The following FDX1 variants were observed in gnomAD, a reference collection of about 807,000 sequenced individuals.
FDX1 encodes adrenodoxin, mitochondrial.
Under a neutral mutation model 14.9 loss-of-function variants are expected in FDX1, and 9 were observed. That is an observed-to-expected ratio of 0.60 (90% confidence interval 0.36 to 1.05). The LOEUF is 1.05. Ranked by LOEUF, FDX1 falls within the 50% of genes least tolerant of loss-of-function variation. The probability of loss-of-function intolerance (pLI) is 0.01; values close to 1 mark genes in which losing one functional copy is unlikely to be tolerated. For missense variants in FDX1, 204 were observed against 237.2 expected (o/e 0.86, Z 0.92); for synonymous variants, 92 against 99.4 (o/e 0.93, Z 0.44).
intron 2 of FDX1, among the ~76,000 whole-genome samples, chr11:110,454,461 C>T (rs936464744): frequency 2.0e-5 from 3 of 152,194 alleles, no homozygotes; most frequent in African/African-American, 7.2e-5. Flanking sequence ...AGGCAACTTA[C>T]ATTATTGTAT....
At position 110,435,944 on chromosome 11, in the gene FDX1, A is replaced by G. The variant is rs756272504; in HGVS notation, c.296A>G (p.Asp99Gly). Residue 99 changes from aspartate to glycine, a missense_variant, in exon 2 of 4, where the codon GAT becomes GGT. By Grantham distance (94) the Asp-to-Gly change is moderately conservative. Transcript: ENST00000260270. Reference protein sequence around the residue: ...LLDVVVENNLDIDGFGACEGT... With the variant: ...LLDVVVENNLGIDGFGACEGT... ...GATGTTGTGGTTGAAAATAATCTAG[A>G]TATTGATGGCTTTGGTGAGTATGAA... 4 of 1,611,558 alleles carry G rather than the reference A, an allele frequency of 2.5e-6. No individual in the cohort carries two copies. The highest frequency in any genetic ancestry group is 1.7e-5 in the Admixed American group (1 of 59,728).
In FDX1 at chr11:110,456,901, T is replaced by G. The variant is rs772397581; in HGVS notation, c.311-17T>G. 6.2e-7 allele frequency: 1 copy of G among 1,606,200 alleles called. No individual in the cohort carries two copies. Among genetic ancestry groups the G allele is most frequent in the East Asian group, 2.2e-5 (1 of 44,698 alleles). On this transcript the variant is annotated splice_polypyrimidine_tract_variant and intron_variant, in intron 2 of 3. Coordinates refer to ENST00000260270, the MANE Select transcript of FDX1 (RefSeq NM_004109.5). ...GATGTAGAAGGGACTATGTTCAGTG[T>G]TTGTTGCTTTTGTCAGGTGCATGTG...
rs1490401763 is a variant in FDX1 at position 110,462,487 on chromosome 11, A to G, written c.*19A>G. ...CTCCTGAACTAGAACAAATAGGAAT[A>G]TTTTCATGGAATTTTACCTATTTTT... On this transcript the variant is annotated 3_prime_UTR_variant, in exon 4 of 4. Coordinates refer to ENST00000260270, the MANE Select transcript of FDX1 (RefSeq NM_004109.5). 1 of 1,178,892 alleles carries G rather than the reference A, an allele frequency of 8.5e-7. No homozygotes were observed. Among genetic ancestry groups the G allele is most frequent in the Non-Finnish European group, 1.3e-6 (1 of 793,896 alleles). The allele number at this position is 1,178,892 out of a possible 1,614,324, so 73.0% of individuals were successfully genotyped here. A position where few individuals can be genotyped will look rare whatever the true frequency, so the allele number is the denominator to read the frequency against.
upstream of FDX1, among the ~76,000 whole-genome samples, chr11:110,429,378 T>C (rs1946312926): frequency 6.6e-6 from 1 of 152,100 alleles, no homozygotes; most frequent in South Asian, 2.1e-4. Flanking sequence ...TCATCTTTTC[T>C]GTTTTTTGTG....
Position 110,435,924 on chromosome 11 carries a change from T to G in FDX1, c.276T>G (p.Val92=), listed in dbSNP as rs773868601. 184 of 1,612,620 alleles carry G rather than the reference T, an allele frequency of 1.1e-4. No homozygotes were observed. Among genetic ancestry groups the G allele is most frequent in the Non-Finnish European group, 1.6e-4 (184 of 1,179,304 alleles). Residue 92 remains valine, a synonymous_variant, in exon 2 of 4, where the codon GTT becomes GTG. Coordinates refer to ENST00000260270, the MANE Select transcript of FDX1 (RefSeq NM_004109.5). ...KGKVGDSLLD[V]VVENNLDIDG... Reference sequence around the variant, plus strand: ...AAGTTGGTGATTCTCTGCTAGATGTTGTGGTTGAAAATAATCTAGATATTG... The same window carrying G: ...AAGTTGGTGATTCTCTGCTAGATGTGGTGGTTGAAAATAATCTAGATATTG...
In FDX1 at chr11:110,464,789, T is replaced by A. The variant is rs2134697856; in HGVS notation, c.*2321T>A. On this transcript the variant is annotated 3_prime_UTR_variant, in exon 4 of 4. Transcript: ENST00000260270. ...GCACTCTAAAATTTAGAGTATAAAT[T>A]GTCTTATATTTCAAATTAGAAAAGT... 6.6e-6 allele frequency: 1 copy of A among 152,336 alleles called. No homozygotes were observed. The highest frequency in any genetic ancestry group is 2.4e-5 in the African/African-American group (1 of 41,582). 9.4% of individuals were successfully genotyped at this position (152,336 alleles called of 1,614,324 possible). A position where few individuals can be genotyped will look rare whatever the true frequency, so the allele number is the denominator to read the frequency against.
At chr11:110,436,488 A>G (rs13328875) in intron 2 of FDX1, among the ~76,000 whole-genome samples, 45,943 of 151,600 alleles carry the variant, frequency 0.3, 7,151 homozygotes, top group East Asian at 0.38. Flanking sequence ...CAAGCAATGC[A>G]TGTTTAGATT....
chr11:110,435,217 A>G (rs1946360771), intron 1 of FDX1, among the ~76,000 whole-genome samples: 1 of 150,814 alleles, frequency 6.6e-6, no homozygotes, highest in Non-Finnish European at 1.5e-5. Flanking sequence ...CACCTGGCTA[A>G]TTATTTTATT....
intron 2 of FDX1, among the ~76,000 whole-genome samples, chr11:110,441,443 A>C (rs979251393): frequency 2.6e-5 from 4 of 152,200 alleles, no homozygotes; most frequent in Admixed American, 6.5e-5. Flanking sequence ...TGGACAATGA[A>C]ATTCAGGCTG....
At chr11:110,446,099 TG>T (rs1248319322) in intron 2 of FDX1, among the ~76,000 whole-genome samples, 1 of 152,198 alleles carries the variant, frequency 6.6e-6, no homozygotes, top group Non-Finnish European at 1.5e-5. Flanking sequence ...CACAAATCTT[TG>T]TATTTAAAGA....
intron 3 of FDX1, among the ~76,000 whole-genome samples, chr11:110,460,354 C>A (rs565576811): frequency 6.6e-6 from 1 of 152,216 alleles, no homozygotes; most frequent in Admixed American, 6.5e-5. Flanking sequence ...TGGCTCTGGC[C>A]GCTTTTCTGG....
intron 2 of FDX1, among the ~76,000 whole-genome samples, chr11:110,443,069 C>G (rs1028658410): frequency 6.6e-6 from 1 of 152,172 alleles, no homozygotes; most frequent in African/African-American, 2.4e-5. Context: ...TGAGGCTTCC[C>G]CAGCCATTGT....
At chr11:110,429,671 G>GT (rs201426735), upstream of FDX1, among the ~76,000 whole-genome samples, 57 of 149,270 alleles carry the variant, frequency 3.8e-4, no homozygotes, top group Non-Finnish European at 4.2e-4. Flanking sequence ...CAATTTCCCA[G>GT]TTTTTTTTTT....
At chr11:110,461,563 A>AC in intron 3 of FDX1, among the ~76,000 whole-genome samples, 1 of 152,002 alleles carries the variant, frequency 6.6e-6, no homozygotes, top group East Asian at 1.9e-4. Flanking sequence ...TCTGCAAAAA[A>AC]AAAAGGAAAT....
chr11:110,444,038 T>C (rs1946422463), intron 2 of FDX1, among the ~76,000 whole-genome samples: 1 of 152,158 alleles, frequency 6.6e-6, no homozygotes, highest in Non-Finnish European at 1.5e-5. Context: ...TGATAGTTTT[T>C]TTTGCTGTCT....
intron 2 of FDX1, among the ~76,000 whole-genome samples, chr11:110,449,709 C>T (rs1041674009): frequency 1.3e-5 from 2 of 152,156 alleles, no homozygotes; most frequent in African/African-American, 4.8e-5. Context: ...CTCACTGCAG[C>T]CTCCACCTCC....
chr11:110,457,163 A>G, intron 3 of FDX1, 116 bp downstream of exon 3: 1 of 859,094 alleles, frequency 1.2e-6, no homozygotes, highest in Non-Finnish European at 1.7e-6. Flanking sequence ...AGGTTAAATA[A>G]CAGTCACAGA....
intron 2 of FDX1, among the ~76,000 whole-genome samples, chr11:110,438,826 A>G (rs1027040288): frequency 6.6e-6 from 1 of 151,830 alleles, no homozygotes; most frequent in South Asian, 2.1e-4. Context: ...TAAGTTCCCT[A>G]TTGATTCTGG....
intron 2 of FDX1, among the ~76,000 whole-genome samples, chr11:110,440,025 T>C (rs909703111): frequency 3.3e-5 from 5 of 152,166 alleles, no homozygotes; most frequent in African/African-American, 1.2e-4. Flanking sequence ...TTCTGTTCCT[T>C]TGGTCTGTGT....
Sources: allele counts gnomAD v4.1 joint callset (sites outside exome capture counted in the v4.1 genomes callset), GRCh38; gene constraint gnomAD v4.1.1; transcripts MANE v1.5; gene names NCBI Gene and HGNC (gene_info 2026-07-23, HGNC 2026-07-21).